ARMC3: variants seen among roughly 807,000 people sequenced by gnomAD.
The protein encoded by ARMC3 is armadillo repeat-containing protein 3.
A neutral mutation model predicts 90.3 loss-of-function variants in ARMC3; 74 were observed. That is an observed-to-expected ratio of 0.82 (90% CI 0.68 to 0.99). The LOEUF (loss-of-function observed/expected upper bound fraction) is 0.99. Among genes scored for constraint, ARMC3 ranks in the 50% least tolerant of loss-of-function variants. ARMC3 has a pLI of 0.00. For missense variants in ARMC3, 958 were observed against 1,042.8 expected (o/e 0.92, Z 1.12); for synonymous variants, 334 against 361.8 (o/e 0.92, Z 0.87).
rs1432104324 is a variant in ARMC3, at chr10:22,961,881, C to A, written c.538-3C>A. 2 of 1,589,096 alleles carry A rather than the reference C, an allele frequency of 1.3e-6. No individual in the cohort carries two copies. The highest frequency in any genetic ancestry group is 1.2e-5 in the South Asian group (1 of 85,594). ...ATTATTGATCATCTGTATTTTGTGG[C>A]AGGATTTTCAGTGTCGAGCTAAACT... On this transcript the variant is annotated splice_polypyrimidine_tract_variant and splice_region_variant and intron_variant, in intron 6 of 18. Coordinates refer to ENST00000298032, the MANE Select transcript of ARMC3 (RefSeq NM_173081.5).
chr10:22,976,514 C>CT (rs1835930760), intron 8 of ARMC3, among the ~76,000 whole-genome samples: 1 of 152,216 alleles, frequency 6.6e-6, no homozygotes, highest in Non-Finnish European at 1.5e-5. Context: ...AAACACCCCT[C>CT]TCTCCTGATT....
intron 8 of ARMC3, among the ~76,000 whole-genome samples, chr10:22,971,148 T>C (rs927464062): frequency 1.3e-5 from 2 of 152,206 alleles, no homozygotes; most frequent in Non-Finnish European, 2.9e-5. Flanking sequence ...GCATTTGTCC[T>C]TTTGCAAATG....
chr10:22,963,073 G>T (rs116999778), intron 7 of ARMC3, among the ~76,000 whole-genome samples: 28 of 151,996 alleles, frequency 1.8e-4, no homozygotes, highest in Non-Finnish European at 3.4e-4. Context: ...CTAACCACAG[G>T]GTTTATCTGA....
chr10:22,935,318 A>G (rs1451082086), intron 2 of ARMC3, among the ~76,000 whole-genome samples: 1 of 152,134 alleles, frequency 6.6e-6, no homozygotes, highest in Non-Finnish European at 1.5e-5. Flanking sequence ...TCAGAACTCA[A>G]CCTTTCATTC....
At chr10:23,024,805 C>T (rs1838652339) in intron 16 of ARMC3, among the ~76,000 whole-genome samples, 1 of 152,102 alleles carries the variant, frequency 6.6e-6, no homozygotes, top group Admixed American at 6.6e-5. Context: ...GACAGATTGG[C>T]AGAGTGGATA....
chr10:23,020,314 A>G (rs1160512417), intron 16 of ARMC3, among the ~76,000 whole-genome samples: 1 of 151,952 alleles, frequency 6.6e-6, no homozygotes, highest in Non-Finnish European at 1.5e-5. Context: ...TTTAGTAGAG[A>G]TGGATGATGG....
chr10:23,007,000 AG>A lies in ARMC3; in HGVS notation c.1829+23del. 1.3e-6 allele frequency: 2 copies of A among 1,553,140 alleles called. No individual in the cohort carries two copies. The highest frequency in any genetic ancestry group is 1.8e-6 in the Non-Finnish European group (2 of 1,142,012). ...CTTACGTGTGAGTCTCTGCAGGGAGAGGGGATGAAGGGAAGCACATACTGCT... is the reference window on the plus strand; with the variant it reads ...CTTACGTGTGAGTCTCTGCAGGGAGAGGGATGAAGGGAAGCACATACTGCT... On this transcript the variant is annotated intron_variant, in intron 14 of 18. Transcript: ENST00000298032.
chr10:22,961,872 A>G lies in ARMC3; in HGVS notation c.538-12A>G. 6.3e-7 allele frequency: 1 copy of G among 1,579,806 alleles called. No individual in the cohort carries two copies. The highest frequency in any genetic ancestry group is 1.2e-5 in the South Asian group (1 of 83,758). ...CTTAAAAAAATTATTGATCATCTGT[A>G]TTTTGTGGCAGGATTTTCAGTGTCG... On this transcript the variant is annotated splice_polypyrimidine_tract_variant and intron_variant, in intron 6 of 18. Coordinates refer to ENST00000298032, the MANE Select transcript of ARMC3 (RefSeq NM_173081.5).
At chr10:22,956,033 T>C (rs1834925650) in intron 4 of ARMC3, 101 bp downstream of exon 4, 1 of 1,140,236 alleles carries the variant, frequency 8.8e-7, no homozygotes, top group African/African-American at 1.6e-5. Context: ...TTATTTAAAC[T>C]GACTTTCATG....
intron 17 of ARMC3, 113 bp from the exon 18 acceptor site, chr10:23,032,748 C>G: frequency 8.6e-7 from 1 of 1,167,654 alleles, no homozygotes; most frequent in South Asian, 1.6e-5. Flanking sequence ...TAAAGCACAA[C>G]AAAAATCACA....
At position 23,032,929 on chromosome 10, in the gene ARMC3, A is replaced by C. The variant is rs777130124; in HGVS notation, c.2315A>C (p.His772Pro). 2 of 1,613,170 alleles carry C rather than the reference A, an allele frequency of 1.2e-6. No individual in the cohort carries two copies. Among genetic ancestry groups the C allele is most frequent in the Non-Finnish European group, 1.7e-6 (2 of 1,179,474 alleles). The change falls in exon 18 of 19, where the codon CAC becomes CCC. Residue 772 changes from histidine to proline, a missense_variant. Transcript: ENST00000298032. Reference protein sequence around the residue: ...EKLPDFSWELHISELKFQLKS... With the variant: ...EKLPDFSWELPISELKFQLKS... ...CTACCTGATTTCAGCTGGGAACTTC[A>C]CATAAGTGAACTGAAATTTCAACTT...
At chr10:22,946,372 A>C in intron 3 of ARMC3, 111 bp downstream of exon 3, 1 of 666,414 alleles carries the variant, frequency 1.5e-6, no homozygotes, top group Non-Finnish European at 2.5e-6. Flanking sequence ...CGGATGAATT[A>C]TTTCAGACAA....
At chr10:22,996,630 C>A (rs1251525714) in intron 10 of ARMC3, among the ~76,000 whole-genome samples, 1 of 152,150 alleles carries the variant, frequency 6.6e-6, no homozygotes, top group Non-Finnish European at 1.5e-5. Flanking sequence ...GAGGGTGACA[C>A]CAACTGAGCC....
chr10:23,020,752 T>C (rs2131535759), intron 16 of ARMC3, among the ~76,000 whole-genome samples: 1 of 152,336 alleles, frequency 6.6e-6, no homozygotes, highest in South Asian at 2.1e-4. Flanking sequence ...TGGTGAAGTA[T>C]CTGTTCAAGT....
chr10:23,010,182 A>G lies in ARMC3; in HGVS notation c.2045+1251A>G, dbSNP rs1473018691. The stretch of plus-strand genomic sequence containing the variant: ...CCTCCCCTTCTCTTCCCTTCTCTCC[A>G]GCTTCCCTCTCCTTCCCTTCCCTCC... On this transcript the variant is annotated intron_variant, in intron 16 of 18. Transcript: ENST00000298032. 5.5e-5 allele frequency among the ~76,000 whole-genome samples: 4 copies of G among 72,986 alleles called. No homozygotes were observed. The East Asian group carries it at 1.8e-3, about 34-fold the overall frequency. The allele number at this position is 72,986 out of a possible 152,430, so 47.9% of individuals were successfully genotyped here. A position where few individuals can be genotyped will look rare whatever the true frequency, so the allele number is the denominator to read the frequency against.
intron 10 of ARMC3, among the ~76,000 whole-genome samples, chr10:22,995,092 A>G (rs1412455924): frequency 2.6e-5 from 4 of 152,222 alleles, no homozygotes; most frequent in Non-Finnish European, 4.4e-5. Flanking sequence ...ATTCATTTGG[A>G]TAATGCTATA....
chr10:23,013,098 C>G (rs1307461555), intron 16 of ARMC3, among the ~76,000 whole-genome samples: 1 of 152,032 alleles, frequency 6.6e-6, no homozygotes, highest in African/African-American at 2.4e-5. Flanking sequence ...GGGGTTTTGC[C>G]ATGCTGGCCA....
intron 17 of ARMC3, chr10:23,031,296 C>T (rs985615492): frequency 6.2e-6 from 1 of 162,238 alleles, no homozygotes; most frequent in Admixed American, 5.8e-5. Context: ...TAGGCAGGCT[C>T]AGGGCTCTGT....
At chr10:22,999,396 T>C (rs555452059) in intron 11 of ARMC3, among the ~76,000 whole-genome samples, 34 of 152,308 alleles carry the variant, frequency 2.2e-4, no homozygotes, top group African/African-American at 8.2e-4. Flanking sequence ...AAAAAGACTC[T>C]GCCTCCTAAA....
Sources: allele counts gnomAD v4.1 joint callset (sites outside exome capture counted in the v4.1 genomes callset), GRCh38; gene constraint gnomAD v4.1.1; transcripts MANE v1.5; gene names NCBI Gene and HGNC (gene_info 2026-07-23, HGNC 2026-07-21).